The following USP36 variants were observed in gnomAD, a reference collection of about 807,000 sequenced individuals.
USP36 encodes ubiquitin carboxyl-terminal hydrolase 36.
USP36 carries 59 observed loss-of-function variants against 111.5 expected under a neutral mutation model. That is an observed-to-expected ratio of 0.53 (90% CI 0.43 to 0.66). The LOEUF is 0.66. Ranked by LOEUF, USP36 falls within the 30% of genes least tolerant of loss-of-function variation. The probability of loss-of-function intolerance (pLI) is 0.00; values close to 1 mark genes in which losing one functional copy is unlikely to be tolerated. For missense variants in USP36, 1,488 were observed against 1,468.0 expected (o/e 1.01, Z -0.22); for synonymous variants, 628 against 581.0 (o/e 1.08, Z -1.16).
chr17:78,838,390 A>C (rs1294341113), intron 2 of USP36, among the ~76,000 whole-genome samples, 197 bp downstream of exon 2: 1 of 151,568 alleles, frequency 6.6e-6, no homozygotes, highest in South Asian at 2.1e-4. Flanking sequence ...AAAAAAACAA[A>C]AAACAAAAAA....
chr17:78,813,097 A>G, intron 12 of USP36, 96 bp from the exon 13 acceptor site: 1 of 1,510,784 alleles, frequency 6.6e-7, no homozygotes, highest in East Asian at 2.3e-5. Flanking sequence ...AGGCAGAAAC[A>G]CGGCCTGGGG....
At chr17:78,839,292 C>A (rs2069015797) in intron 1 of USP36, among the ~76,000 whole-genome samples, 1 of 152,178 alleles carries the variant, frequency 6.6e-6, no homozygotes, top group Non-Finnish European at 1.5e-5. Flanking sequence ...CTTATTCAGC[C>A]TCAGTAACTA....
rs1183955475 is a variant in USP36 at position 78,803,725 on chromosome 17, C to A, written c.2470G>T (p.Gly824Cys). Residue 824 changes from glycine to cysteine, a missense_variant, in exon 16 of 21, where the codon GGC becomes TGC. Gly to Cys is a radical substitution (Grantham distance 159). Coordinates refer to ENST00000449938, the MANE Select transcript of USP36 (RefSeq NM_001385174.1). This position sits in a 1 kb window ranked among gnomAD's most constrained non-coding sequence, Gnocchi z 4.6. Reference sequence around the variant, plus strand: ...TGCTGTGGGAGGCGCGTCTCTGAGCCCAGCCTCTGCGGCTCTCCCACAAAG... The same window carrying A: ...TGCTGTGGGAGGCGCGTCTCTGAGCACAGCCTCTGCGGCTCTCCCACAAAG... ...KTFVGEPQRL[G>C]SETRLPQHIR... 1.2e-6 allele frequency: 2 copies of A among 1,612,008 alleles called. No homozygotes were observed. Among genetic ancestry groups the A allele is most frequent in the African/African-American group, 2.7e-5 (2 of 74,910 alleles).
intron 9 of USP36, 42 bp from the exon 10 acceptor site, chr17:78,818,820 C>A (rs376324286): frequency 1.2e-6 from 2 of 1,603,014 alleles, no homozygotes; most frequent in South Asian, 2.2e-5. Context: ...ATGATTGATT[C>A]GTGCTCTGAA....
At chr17:78,826,955 C>A in intron 6 of USP36, 1 of 610,898 alleles carries the variant, frequency 1.6e-6, no homozygotes, top group Non-Finnish European at 2.9e-6. Context: ...AACATATTTC[C>A]CCCTGACTGA....
At chr17:78,800,174 T>C (rs1598971204) in intron 17 of USP36, among the ~76,000 whole-genome samples, 1 of 147,350 alleles carries the variant, frequency 6.8e-6, no homozygotes, top group African/African-American at 2.5e-5. Flanking sequence ...TAACCAGTAG[T>C]GTTAAGTCCT....
chr17:78,836,002 T>A, intron 3 of USP36, 109 bp downstream of exon 3: 2 of 1,488,572 alleles, frequency 1.3e-6, no homozygotes, highest in Non-Finnish European at 1.8e-6. Flanking sequence ...AATTCATAAC[T>A]CTTTGACCAC....
intron 10 of USP36, among the ~76,000 whole-genome samples, chr17:78,816,054 T>C (rs755823848): frequency 6.6e-6 from 1 of 152,168 alleles, no homozygotes; most frequent in Non-Finnish European, 1.5e-5. Context: ...ATGGCAGCTG[T>C]AGGCTGAGTG....
At chr17:78,836,412 A>T (rs775903450) in intron 2 of USP36, 40 bp from the exon 3 acceptor site, 51 of 1,593,446 alleles carry the variant, frequency 3.2e-5, no homozygotes, top group Non-Finnish European at 4.0e-5. Flanking sequence ...TAGATAACGA[A>T]ATCCCGGGAC....
At chr17:78,826,949 T>C in intron 6 of USP36, 1 of 607,072 alleles carries the variant, frequency 1.6e-6, no homozygotes, top group Non-Finnish European at 2.9e-6. Context: ...TCTGCTAACA[T>C]ATTTCCCCCT....
chr17:78,805,658 G>A (rs1430934702), intron 15 of USP36, among the ~76,000 whole-genome samples: 2 of 152,218 alleles, frequency 1.3e-5, no homozygotes, highest in African/African-American at 4.8e-5. Context: ...CACAGGGAAG[G>A]GGCTGCATCT....
At chr17:78,831,645 T>C (rs1000518909) in intron 4 of USP36, among the ~76,000 whole-genome samples, 16 of 151,988 alleles carry the variant, frequency 1.1e-4, no homozygotes, top group Admixed American at 3.3e-4. Context: ...CTAATCATTA[T>C]ATATAAAACG....
chr17:78,789,039 A>AG (rs11409517), intron 3 of USP36, among the ~76,000 whole-genome samples: 82,019 of 151,378 alleles, frequency 0.54, 22,312 homozygotes, highest in East Asian at 0.62. Flanking sequence ...CTCTATTAAA[A>AG]TATGAAAATT....
rs1422562116 is a variant in USP36, at chr17:78,821,407, TATATATATATA to T, written c.758-357_758-347del. ...ATGAGAATATATATATATATATATA[TATATATATATA>T]TATTTTTTTTTTTTTTTTTTTTTTT... is the stretch of plus-strand genomic sequence containing the variant. On this transcript the variant is annotated intron_variant, in intron 7 of 20. Coordinates refer to ENST00000449938, the MANE Select transcript of USP36 (RefSeq NM_001385174.1). 2.5e-3 allele frequency: 154 copies of T among 62,196 alleles called. 1 individual carries two copies. The highest frequency in any genetic ancestry group is 0.012 in the African/African-American group (143 of 11,698). The allele number at this position is 62,196 out of a possible 1,614,324, so 3.9% of individuals were successfully genotyped here.
intron 6 of USP36, among the ~76,000 whole-genome samples, chr17:78,823,687 G>T (rs372508678): frequency 2.5e-3 from 387 of 152,284 alleles, no homozygotes; most frequent in Middle Eastern, 0.017. Flanking sequence ...GGGCTCTCAG[G>T]GGGAGAAGGC....
At chr17:78,824,364 G>A (rs941610227) in intron 6 of USP36, among the ~76,000 whole-genome samples, 1 of 152,188 alleles carries the variant, frequency 6.6e-6, no homozygotes, top group African/African-American at 2.4e-5. Flanking sequence ...AGTGAGGAGC[G>A]AGGAAAACAG....
At chr17:78,813,107 GA>G in intron 12 of USP36, 106 bp from the exon 13 acceptor site, 1 of 1,443,898 alleles carries the variant, frequency 6.9e-7, no homozygotes, top group Non-Finnish European at 9.5e-7. Flanking sequence ...ACGGCCTGGG[GA>G]AACCCTGCCA....
Position 78,798,978 on chromosome 17 carries a change from A to G in USP36, c.3170T>C (p.Ile1057Thr), listed in dbSNP as rs1433124684. 2 of 1,614,064 alleles carry G rather than the reference A, an allele frequency of 1.2e-6. No homozygotes were observed. Among genetic ancestry groups the G allele is most frequent in the East Asian group, 4.5e-5 (2 of 44,894 alleles). The change falls in exon 19 of 21, where the codon ATT becomes ACT. Residue 1057 changes from isoleucine to threonine, a missense_variant. This residue lies in a region of USP36 where 1,073 missense variants were observed against 994.1 expected (regional missense o/e 1.08). Transcript: ENST00000449938. The surrounding 1 kb of genome is among the most constrained non-coding windows in gnomAD (Gnocchi z 5.1). ...AGTCCGGGCCTGTCTGCTGTCTTCAATAGCATCCTGACTGACCGCCGACAT... is the reference window on the plus strand; with the variant it reads ...AGTCCGGGCCTGTCTGCTGTCTTCAGTAGCATCCTGACTGACCGCCGACAT... ...GKMSAVSQDAIEDSRQARTET... is the reference protein window; with the variant it reads ...GKMSAVSQDATEDSRQARTET...
At position 78,790,111 on chromosome 17, in the gene USP36, C is replaced by T. The variant is rs569570212; in HGVS notation, c.*21-2453G>A. ...TAATACCTTTTTTTTTTTTTTGAGACGAAGTCTCGCTCTGTCATCCAGGCT... is the reference window on the plus strand; with the variant it reads ...TAATACCTTTTTTTTTTTTTTGAGATGAAGTCTCGCTCTGTCATCCAGGCT... On this transcript the variant is annotated intron_variant, in intron 3 of 3. Coordinates refer to the USP36 transcript ENST00000588130. Among the ~76,000 whole-genome samples, 364 of 150,074 alleles carry T rather than the reference C, an allele frequency of 2.4e-3. 2 individuals are homozygous for T. Among genetic ancestry groups the T allele is most frequent in the African/African-American group, 8.2e-3 (335 of 40,640 alleles).
Sources: allele counts gnomAD v4.1 joint callset (sites outside exome capture counted in the v4.1 genomes callset), GRCh38; gene constraint gnomAD v4.1.1; regional missense constraint gnomAD v4.1.1; non-coding constraint Gnocchi (gnomAD v3.1); transcripts MANE v1.5; gene names NCBI Gene and HGNC (gene_info 2026-07-23, HGNC 2026-07-21).